LRP1B: variants seen among roughly 807,000 people sequenced by gnomAD.
The protein encoded by LRP1B is LDL receptor related protein 1B.
In LRP1B, 217 loss-of-function variants were observed where a neutral mutation model predicts 556.6. That is an observed-to-expected ratio of 0.39 (90% CI 0.35 to 0.44). LRP1B has a LOEUF of 0.44. Among genes scored for constraint, LRP1B ranks in the 20% least tolerant of loss-of-function variants. The probability of loss-of-function intolerance (pLI) is 1.00; values close to 1 mark genes in which losing one functional copy is unlikely to be tolerated. For synonymous variants in LRP1B, 2,047 were observed against 1,865.8 expected (o/e 1.10, Z -2.50); for missense variants, 5,053 against 5,620.8 (o/e 0.90, Z 3.23).
intron 2 of LRP1B, among the ~76,000 whole-genome samples, chr2:141,531,822 C>G (rs1032182985): frequency 6.6e-6 from 1 of 150,626 alleles, no homozygotes; most frequent in Non-Finnish European, 1.5e-5. Context: ...ATACAGATGT[C>G]AAAATTTTTT....
chr2:141,471,931 C>T (rs1417635369), intron 3 of LRP1B, among the ~76,000 whole-genome samples: 3 of 152,172 alleles, frequency 2.0e-5, no homozygotes, highest in African/African-American at 4.8e-5. Context: ...TAGATAAACA[C>T]AGGCTACCAG....
At chr2:141,650,398 G>C (rs1401776986) in intron 2 of LRP1B, among the ~76,000 whole-genome samples, 1 of 152,136 alleles carries the variant, frequency 6.6e-6, no homozygotes, top group Non-Finnish European at 1.5e-5. Context: ...GAGGAATCAA[G>C]AGAGGCAGCA....
At chr2:140,615,683 A>G (rs1683229551) in intron 41 of LRP1B, among the ~76,000 whole-genome samples, 2 of 152,060 alleles carry the variant, frequency 1.3e-5, no homozygotes, top group Admixed American at 6.6e-5. Context: ...ACGTATCACA[A>G]TGCTGTTTGT....
intron 1 of LRP1B, among the ~76,000 whole-genome samples, chr2:141,899,552 T>C (rs769858813): frequency 6.6e-6 from 1 of 152,044 alleles, no homozygotes; most frequent in Non-Finnish European, 1.5e-5. Flanking sequence ...TTTTGAAACA[T>C]TTCCAATTAT....
chr2:140,692,188 G>T (rs980818706), intron 41 of LRP1B, among the ~76,000 whole-genome samples: 2 of 151,974 alleles, frequency 1.3e-5, no homozygotes, highest in Non-Finnish European at 2.9e-5. Context: ...ATATTACTAT[G>T]TTATTTCAAA....
At chr2:140,642,502 T>G (rs554969507) in intron 41 of LRP1B, among the ~76,000 whole-genome samples, 1 of 152,114 alleles carries the variant, frequency 6.6e-6, no homozygotes, top group African/African-American at 2.4e-5. Flanking sequence ...CAGCACCTAC[T>G]GAGATGAAAG....
At chr2:141,330,799 C>T (rs1157005112) in intron 3 of LRP1B, among the ~76,000 whole-genome samples, 2 of 142,074 alleles carry the variant, frequency 1.4e-5, no homozygotes, top group Non-Finnish European at 3.0e-5. Context: ...GTCGCCCAGG[C>T]TGGAGTGCAG....
At chr2:141,838,143 A>T (rs1574414463) in intron 1 of LRP1B, among the ~76,000 whole-genome samples, 1 of 152,142 alleles carries the variant, frequency 6.6e-6, no homozygotes, top group African/African-American at 2.4e-5. Context: ...TTAAGCTAGA[A>T]GTGGGGGATG....
intron 41 of LRP1B, among the ~76,000 whole-genome samples, chr2:140,678,770 CTT>C (rs35395485): frequency 0.015 from 2,004 of 136,154 alleles, 39 homozygotes; most frequent in Admixed American, 0.049. Context: ...TTCAATCTCC[CTT>C]TTTTTTTTTT....
At chr2:141,658,833 C>A (rs576616950) in intron 2 of LRP1B, among the ~76,000 whole-genome samples, 1 of 152,180 alleles carries the variant, frequency 6.6e-6, no homozygotes, top group East Asian at 1.9e-4. Flanking sequence ...GAATTGGAAC[C>A]TGGGTGAAGG....
At chr2:140,941,943 A>G (rs1045782795) in intron 20 of LRP1B, among the ~76,000 whole-genome samples, 2 of 152,164 alleles carry the variant, frequency 1.3e-5, no homozygotes, top group African/African-American at 2.4e-5. Flanking sequence ...AACACTAACC[A>G]AATGACAATG....
chr2:141,589,100 T>G (rs957663234), intron 2 of LRP1B, among the ~76,000 whole-genome samples: 16 of 152,224 alleles, frequency 1.1e-4, no homozygotes, highest in Non-Finnish European at 2.1e-4. Flanking sequence ...ATTTTTATAC[T>G]AGTTGTTTAA....
At chr2:140,521,317 T>C (rs59174573) in intron 49 of LRP1B, among the ~76,000 whole-genome samples, 7,053 of 152,072 alleles carry the variant, frequency 0.046, 542 homozygotes, top group African/African-American at 0.16. Context: ...CCACATCACC[T>C]GTAAAGTGAA....
intron 2 of LRP1B, among the ~76,000 whole-genome samples, chr2:141,571,831 T>C (rs1458920092): frequency 6.6e-6 from 1 of 151,756 alleles, no homozygotes; most frequent in South Asian, 2.1e-4. Context: ...AAAGATATCA[T>C]AGCCTGAAGA....
At chr2:141,533,684 C>T (rs1684968797) in intron 2 of LRP1B, among the ~76,000 whole-genome samples, 1 of 152,142 alleles carries the variant, frequency 6.6e-6, no homozygotes, top group Non-Finnish European at 1.5e-5. Context: ...TGTCTTAACA[C>T]TTGAAATCTC....
At chr2:141,688,350 C>T (rs555929982) in intron 2 of LRP1B, among the ~76,000 whole-genome samples, 10 of 151,992 alleles carry the variant, frequency 6.6e-5, no homozygotes, top group Admixed American at 6.6e-4. Flanking sequence ...CCTATATGGA[C>T]TTACACATGT....
In LRP1B at chr2:140,789,503, T is replaced by C. The variant is rs528152839; in HGVS notation, c.5360-13265A>G. Among the ~76,000 whole-genome samples, 4 of 152,120 alleles carry C rather than the reference T, an allele frequency of 2.6e-5. No individual in the cohort carries two copies. The South Asian group carries it at 8.3e-4, about 32-fold the overall frequency. On this transcript the variant is annotated intron_variant, in intron 32 of 90. Coordinates refer to ENST00000389484, the MANE Select transcript of LRP1B (RefSeq NM_018557.3). Reference sequence around the variant, plus strand: ...AAAGTGAAGTACTAAGGTTTTACTATAGTGGGTACATTGTTCAGGACCTTT... The same window carrying C: ...AAAGTGAAGTACTAAGGTTTTACTACAGTGGGTACATTGTTCAGGACCTTT...
chr2:140,467,199 G>T (rs181515325), intron 60 of LRP1B, among the ~76,000 whole-genome samples: 80 of 152,184 alleles, frequency 5.3e-4, no homozygotes, highest in African/African-American at 1.8e-3. Context: ...AGGGAATGTA[G>T]TTACTTTAAC....
At chr2:140,901,481 T>C (rs1694103180) in intron 23 of LRP1B, among the ~76,000 whole-genome samples, 1 of 152,176 alleles carries the variant, frequency 6.6e-6, no homozygotes, top group Non-Finnish European at 1.5e-5. Flanking sequence ...TTACATGAAA[T>C]ATTTTGATAC....
Sources: gnomAD v4.1 joint callset for allele counts (sites outside exome capture counted in the v4.1 genomes callset) on GRCh38, gnomAD v4.1.1 for gene constraint, MANE v1.5 for transcripts, NCBI Gene and HGNC (gene_info 2026-07-23, HGNC 2026-07-21) for gene names.